AGAP1: variants seen among roughly 807,000 people sequenced by gnomAD.
AGAP1 encodes arf-GAP with GTPase, ANK repeat and PH domain-containing protein 1.
AGAP1 carries 29 observed loss-of-function variants against 105.3 expected under a neutral mutation model. The ratio of observed to expected loss-of-function variants is 0.28; its 90% CI spans 0.21 to 0.38. AGAP1 has a LOEUF of 0.38. Ranked by LOEUF, AGAP1 falls within the 10% of genes least tolerant of loss-of-function variation. The probability of loss-of-function intolerance (pLI) is 1.00; values close to 1 mark genes in which losing one functional copy is unlikely to be tolerated. For synonymous variants in AGAP1, 509 were observed against 485.9 expected (o/e 1.05, Z -0.63); for missense variants, 998 against 1,165.1 (o/e 0.86, Z 2.09).
chr2:235,745,866 G>T (rs973091925), intron 5 of AGAP1, among the ~76,000 whole-genome samples: 2 of 152,214 alleles, frequency 1.3e-5, no homozygotes, highest in Non-Finnish European at 2.9e-5. Flanking sequence ...GGTGGCTCAC[G>T]CCTGTAATTC....
chr2:235,508,313 A>G (rs1004872730), intron 1 of AGAP1, among the ~76,000 whole-genome samples: 8 of 152,214 alleles, frequency 5.3e-5, no homozygotes, highest in African/African-American at 1.9e-4. Flanking sequence ...GTACCAAGTA[A>G]TGCCACCTAC....
chr2:235,546,463 A>G (rs1269170167), intron 1 of AGAP1, among the ~76,000 whole-genome samples: 1 of 152,190 alleles, frequency 6.6e-6, no homozygotes, highest in Non-Finnish European at 1.5e-5. Flanking sequence ...CGTCCTATCA[A>G]GAGAAGGAAT....
intron 12 of AGAP1, among the ~76,000 whole-genome samples, chr2:235,943,174 T>C (rs1246201040): frequency 6.6e-6 from 1 of 152,156 alleles, no homozygotes; most frequent in African/African-American, 2.4e-5. Context: ...ATTCACTTTG[T>C]ATTTCTGTGG....
rs1304853308 is a variant in AGAP1, at chr2:235,751,222, G to C, written c.673+734G>C. 6.6e-6 allele frequency among the ~76,000 whole-genome samples: 1 copy of C among 152,172 alleles called. No individual in the cohort carries two copies. Among genetic ancestry groups the C allele is most frequent in the African/African-American group, 2.4e-5 (1 of 41,440 alleles). ...CGTCACCCTGGGGATAGGAGGGTCTGGGGTAAATAAGGACTGATACTTCTA... is the reference window on the plus strand; with the variant it reads ...CGTCACCCTGGGGATAGGAGGGTCTCGGGTAAATAAGGACTGATACTTCTA... On this transcript the variant is annotated intron_variant, in intron 6 of 17. Transcript: ENST00000304032. The surrounding 1 kb of genome is among the most constrained non-coding windows in gnomAD (Gnocchi z 5.3).
rs1951831559 is a variant in AGAP1 at position 235,729,564 on chromosome 2, T to C, written c.311-11399T>C. On this transcript the variant is annotated intron_variant, in intron 3 of 17. Coordinates refer to ENST00000304032, the MANE Select transcript of AGAP1 (RefSeq NM_001037131.3). This position sits in a 1 kb window ranked among gnomAD's most constrained non-coding sequence, Gnocchi z 5.0. ...GAGGCTGGACCGGGTCTTGGTGCTTTCCAGCTCAGGGCGTTGGTCCACTTG... is the reference window on the plus strand; with the variant it reads ...GAGGCTGGACCGGGTCTTGGTGCTTCCCAGCTCAGGGCGTTGGTCCACTTG... Among the ~76,000 whole-genome samples the C allele has an allele frequency of 6.6e-6, 1 of 152,108 alleles. No homozygotes were observed. Among genetic ancestry groups the C allele is most frequent in the South Asian group, 2.1e-4 (1 of 4,826 alleles).
At chr2:235,800,857 G>C (rs1182720819) in intron 8 of AGAP1, among the ~76,000 whole-genome samples, 1 of 152,214 alleles carries the variant, frequency 6.6e-6, no homozygotes. Context: ...CCACATGTTA[G>C]TGGTGCCCTG....
In AGAP1 at chr2:235,882,302, C is replaced by T; in HGVS notation, c.1051-1043C>T. ...GCTCGTGTCCATCTTGCAGGTCGCT[C>T]TTCCTCCACATCACAACTGGGGTCT... On this transcript the variant is annotated intron_variant, in intron 9 of 17. Coordinates refer to ENST00000304032, the MANE Select transcript of AGAP1 (RefSeq NM_001037131.3). The surrounding 1 kb of genome is among the most constrained non-coding windows in gnomAD (Gnocchi z 4.6). 6.9e-6 allele frequency: 5 copies of T among 719,954 alleles called. No individual in the cohort carries two copies. Among genetic ancestry groups the T allele is most frequent in the Admixed American group, 2.4e-5 (1 of 41,276 alleles). The allele number at this position is 719,954 out of a possible 1,614,324, so 44.6% of individuals were successfully genotyped here.
intron 15 of AGAP1, among the ~76,000 whole-genome samples, chr2:236,047,603 T>C (rs1307598945): frequency 8.1e-6 from 1 of 123,448 alleles, no homozygotes; most frequent in Non-Finnish European, 1.7e-5. Flanking sequence ...CATTTCTTTT[T>C]TTTTTTTTTT....
intron 1 of AGAP1, among the ~76,000 whole-genome samples, chr2:235,573,806 C>A (rs1559259802): frequency 6.6e-6 from 1 of 152,202 alleles, no homozygotes; most frequent in Non-Finnish European, 1.5e-5. Context: ...ATAGCTGTTA[C>A]CACATGGAAT....
At chr2:235,945,957 C>A (rs1252962107) in intron 12 of AGAP1, among the ~76,000 whole-genome samples, 1 of 151,902 alleles carries the variant, frequency 6.6e-6, no homozygotes, top group African/African-American at 2.4e-5. Context: ...CTCATGAGAC[C>A]AACACCAAGA....
intron 12 of AGAP1, among the ~76,000 whole-genome samples, chr2:235,933,669 A>C (rs545808779): frequency 9.9e-5 from 15 of 151,434 alleles, no homozygotes; most frequent in Middle Eastern, 3.4e-3. Flanking sequence ...AGTAGCTGGG[A>C]CTGCAGGCAC....
rs1340530345 is a variant in AGAP1, at chr2:235,801,596, T to TG, written c.957+2080dup. ...GAGCAGCCCCTGTCTACCCCCAGGC[T>TG]GGGGGGCTTTGGGTTGAAGTGTTTC... On this transcript the variant is annotated intron_variant, in intron 8 of 17. Transcript: ENST00000304032. This position sits in a 1 kb window ranked among gnomAD's most constrained non-coding sequence, Gnocchi z 6.0. Among the ~76,000 whole-genome samples, 1 of 151,598 alleles carries TG rather than the reference T, an allele frequency of 6.6e-6. No homozygotes were observed. The highest frequency in any genetic ancestry group is 2.4e-5 in the African/African-American group (1 of 41,258).
At chr2:235,502,336 C>T (rs542759651) in intron 1 of AGAP1, among the ~76,000 whole-genome samples, 1 of 152,062 alleles carries the variant, frequency 6.6e-6, no homozygotes, top group African/African-American at 2.4e-5. Context: ...TGTTTGTGTG[C>T]GAGGTTGGGA....
At position 235,891,880 on chromosome 2, in the gene AGAP1, G is replaced by A. The variant is rs1007626092; in HGVS notation, c.1155+8431G>A. On this transcript the variant is annotated intron_variant, in intron 10 of 17. Coordinates refer to ENST00000304032, the MANE Select transcript of AGAP1 (RefSeq NM_001037131.3). The surrounding 1 kb of genome is among the most constrained non-coding windows in gnomAD (Gnocchi z 4.2). ...TTAAAAAACCTCCTTCTGGCCAGGT[G>A]TGGTGGCTCACACCTGTAATCCCAG... 6.6e-6 allele frequency among the ~76,000 whole-genome samples: 1 copy of A among 152,158 alleles called. No homozygotes were observed. The highest frequency in any genetic ancestry group is 1.5e-5 in the Non-Finnish European group (1 of 68,034).
intron 6 of AGAP1, among the ~76,000 whole-genome samples, chr2:235,791,440 C>T (rs1445098568): frequency 1.3e-5 from 2 of 151,656 alleles, no homozygotes; most frequent in Non-Finnish European, 2.9e-5. Context: ...TTTGTAGGGG[C>T]GGGGGATGGA....
intron 6 of AGAP1, among the ~76,000 whole-genome samples, chr2:235,758,127 T>G (rs1321051353): frequency 6.6e-6 from 1 of 151,158 alleles, no homozygotes; most frequent in Admixed American, 6.6e-5. Context: ...TTGGAACTAG[T>G]GTGTGTGTGC....
chr2:235,740,488 C>G lies in AGAP1; in HGVS notation c.311-475C>G, dbSNP rs1358156025. ...CTGGAAACACCATTCTCATGATGTT[C>G]TATGTCTCCCTTTCAAGAACTGGGT... On this transcript the variant is annotated intron_variant, in intron 3 of 17. Coordinates refer to ENST00000304032, the MANE Select transcript of AGAP1 (RefSeq NM_001037131.3). The surrounding 1 kb of genome is among the most constrained non-coding windows in gnomAD (Gnocchi z 5.7). Among the ~76,000 whole-genome samples the G allele has an allele frequency of 6.6e-6, 1 of 152,206 alleles. No homozygotes were observed. The highest frequency in any genetic ancestry group is 2.4e-5 in the African/African-American group (1 of 41,440).
intron 6 of AGAP1, among the ~76,000 whole-genome samples, chr2:235,780,046 T>C (rs976634382): frequency 6.6e-6 from 1 of 151,950 alleles, no homozygotes; most frequent in Non-Finnish European, 1.5e-5. Context: ...AGACCTGGAG[T>C]GATGGTATCA....
Position 235,883,400 on chromosome 2 carries a change from A to G in AGAP1, c.1106A>G (p.Tyr369Cys), listed in dbSNP as rs1467810188. Residue 369 changes from tyrosine to cysteine, a missense_variant, in exon 10 of 18, where the codon TAT becomes TGT. Physicochemically the swap from Tyr to Cys is radical, Grantham distance 194. This residue lies in a region of AGAP1 where 735 missense variants were observed against 833.4 expected (regional missense o/e 0.88). Transcript: ENST00000304032. This position sits in a 1 kb window ranked among gnomAD's most constrained non-coding sequence, Gnocchi z 4.5. ...KSLNKEWKKK[Y>C]VTLCDNGVLT... ...TTGAATAAAGAGTGGAAAAAGAAAT[A>G]TGTCACCCTGTGTGACAATGGCGTG... 6.2e-7 allele frequency: 1 copy of G among 1,614,146 alleles called. No homozygotes were observed. The highest frequency in any genetic ancestry group is 8.5e-7 in the Non-Finnish European group (1 of 1,180,022).
Sources: allele counts gnomAD v4.1 joint callset (sites outside exome capture counted in the v4.1 genomes callset), GRCh38; gene constraint gnomAD v4.1.1; regional missense constraint gnomAD v4.1.1; non-coding constraint Gnocchi (gnomAD v3.1); transcripts MANE v1.5; gene names NCBI Gene and HGNC (gene_info 2026-07-23, HGNC 2026-07-21).